The following LPIN1 variants were observed in gnomAD, a reference collection of about 807,000 sequenced individuals.
LPIN1 encodes the protein lipin 1.
In LPIN1, 71 loss-of-function variants were observed where a neutral mutation model predicts 107.5. The ratio of observed to expected loss-of-function variants is 0.66; its 90% CI spans 0.55 to 0.80. The LOEUF is 0.80. Ranked by LOEUF, LPIN1 falls within the 30% of genes least tolerant of loss-of-function variation. LPIN1 has a pLI of 0.00. For synonymous variants in LPIN1, 445 were observed against 452.6 expected, an observed-to-expected ratio of 0.98 and a Z score of 0.21; for missense variants, 1,043 against 1,160.6, an observed-to-expected ratio of 0.90 and a Z score of 1.47.
At chr2:11,741,683 T>G (rs72773975), upstream of LPIN1, among the ~76,000 whole-genome samples, 45,994 of 151,908 alleles carry the variant, frequency 0.3, 8,102 homozygotes, top group Non-Finnish European at 0.39. Flanking sequence ...AGGTGGCGGG[T>G]GCCTGTAGTC....
At chr2:11,788,826 T>A (rs904715871) in intron 12 of LPIN1, among the ~76,000 whole-genome samples, 2 of 152,154 alleles carry the variant, frequency 1.3e-5, no homozygotes, top group Non-Finnish European at 1.5e-5. Context: ...CAGGGTCAGG[T>A]GCAGGTGCCC....
At chr2:11,713,722 C>T in intron 1 of LPIN1, 1 of 1,294,232 alleles carries the variant, frequency 7.7e-7, no homozygotes, top group Non-Finnish European at 1.1e-6. Context: ...CAGAACATTT[C>T]TATTAATTAA....
chr2:11,708,922 A>G (rs1454030649), intron 1 of LPIN1, among the ~76,000 whole-genome samples: 5 of 152,168 alleles, frequency 3.3e-5, no homozygotes, highest in Non-Finnish European at 5.9e-5. Context: ...CCTATGACAA[A>G]GCTACTACTA....
intron 14 of LPIN1, 84 bp downstream of exon 14, chr2:11,795,571 T>C (rs1424630658): frequency 8.2e-7 from 1 of 1,214,324 alleles, no homozygotes; most frequent in Non-Finnish European, 1.2e-6. Flanking sequence ...GCAGATAGGG[T>C]TCACCACACA....
intron 1 of LPIN1, among the ~76,000 whole-genome samples, chr2:11,761,863 G>A (rs1448989992): frequency 6.6e-6 from 1 of 152,036 alleles, no homozygotes; most frequent in Non-Finnish European, 1.5e-5. Context: ...TCTCATACAC[G>A]CTTCTGACAC....
chr2:11,759,651 A>G (rs1669330147), intron 1 of LPIN1, among the ~76,000 whole-genome samples: 1 of 151,336 alleles, frequency 6.6e-6, no homozygotes, highest in South Asian at 2.1e-4. Context: ...TCTATTCGAC[A>G]AAACCGCCAT....
At chr2:11,764,103 T>TATACACACACACAC (rs1553422099) in intron 1 of LPIN1, 1 of 121,806 alleles carries the variant, frequency 8.2e-6, no homozygotes, top group African/African-American at 3.4e-5. Context: ...TATATATATA[T>TATACACACACACAC]ACACACACAC....
At chr2:11,813,349 A>G (rs1653497301) in intron 17 of LPIN1, among the ~76,000 whole-genome samples, 1 of 152,164 alleles carries the variant, frequency 6.6e-6, no homozygotes, top group African/African-American at 2.4e-5. Flanking sequence ...CAATATGAAA[A>G]CGATTAATGA....
rs145792710 is a variant in LPIN1, at chr2:11,705,830, T to C, written c.82-7926T>C. Among the ~76,000 whole-genome samples the C allele has an allele frequency of 3.5e-4, 53 of 152,290 alleles. No individual in the cohort carries two copies. In the South Asian group the frequency reaches 6.8e-3, roughly 20 times the overall value. ...GTGGGAAGTTATATAATGGCTTTAA[T>C]CATAGAGGTGACTGATAGGGTTTGG... On this transcript the variant is annotated intron_variant, in intron 1 of 21. Transcript: ENST00000449576.
chr2:11,746,169 G>T (rs376882801), upstream of LPIN1: 5 of 152,412 alleles, frequency 3.3e-5, no homozygotes, highest in African/African-American at 1.2e-4. Context: ...CAACGCGATT[G>T]CGCCTTTAAG....
intron 5 of LPIN1, among the ~76,000 whole-genome samples, chr2:11,775,226 A>G (rs1672475153): frequency 6.6e-6 from 1 of 152,218 alleles, no homozygotes; most frequent in African/African-American, 2.4e-5. Context: ...GTGCAGATAT[A>G]AGACCTTTCT....
chr2:11,820,296 G>T, intron 19 of LPIN1, 115 bp from the exon 20 acceptor site: 2 of 722,530 alleles, frequency 2.8e-6, no homozygotes, highest in Non-Finnish European at 5.0e-6. Context: ...CCACTTTGAG[G>T]TAGAGCTCTG....
intron 7 of LPIN1, among the ~76,000 whole-genome samples, chr2:11,781,298 G>A (rs1353865330): frequency 6.6e-6 from 1 of 152,230 alleles, no homozygotes; most frequent in Non-Finnish European, 1.5e-5. Flanking sequence ...TGCTGACCCA[G>A]CCAACTCTCT....
At chr2:11,822,314 G>A (rs1681673903) in intron 20 of LPIN1, among the ~76,000 whole-genome samples, 1 of 151,146 alleles carries the variant, frequency 6.6e-6, no homozygotes, top group African/African-American at 2.4e-5. Flanking sequence ...AGCCAGGCAT[G>A]GCAGCTTGCA....
At chr2:11,725,179 T>C (rs531692862) in intron 1 of LPIN1, among the ~76,000 whole-genome samples, 23 of 152,272 alleles carry the variant, frequency 1.5e-4, no homozygotes, top group African/African-American at 4.6e-4. Context: ...GAGAATGGCG[T>C]GAACCCAGGA....
At chr2:11,699,801 C>T (rs147406140) in intron 1 of LPIN1, among the ~76,000 whole-genome samples, 50 of 152,122 alleles carry the variant, frequency 3.3e-4, no homozygotes, top group Non-Finnish European at 5.6e-4. Flanking sequence ...GTGATATAAG[C>T]AAGGGCAATA....
At chr2:11,730,925 G>A (rs1056695266) in intron 1 of LPIN1, among the ~76,000 whole-genome samples, 1 of 152,162 alleles carries the variant, frequency 6.6e-6, no homozygotes, top group African/African-American at 2.4e-5. Flanking sequence ...TAGTCAGCTC[G>A]ACGATGTGAG....
chr2:11,740,088 CA>C (rs1666185319), intron 1 of LPIN1, among the ~76,000 whole-genome samples: 1 of 152,192 alleles, frequency 6.6e-6, no homozygotes, highest in Non-Finnish European at 1.5e-5. Flanking sequence ...CCTGAGGGGC[CA>C]TCGGTGCAGG....
intron 1 of LPIN1, among the ~76,000 whole-genome samples, chr2:11,726,014 T>C (rs567932845): frequency 5.3e-4 from 80 of 152,296 alleles, no homozygotes; most frequent in Non-Finnish European, 1.0e-3. Flanking sequence ...CTGGCAGCGT[T>C]ATTGCTGGAG....
Sources: allele counts gnomAD v4.1 joint callset (sites outside exome capture counted in the v4.1 genomes callset), GRCh38; gene constraint gnomAD v4.1.1; transcripts MANE v1.5; gene names NCBI Gene and HGNC (gene_info 2026-07-23, HGNC 2026-07-21).